The following RAI1 variants were observed in gnomAD, a reference collection of about 807,000 sequenced individuals.
The protein encoded by RAI1 is retinoic acid induced 1.
RAI1 carries 9 observed loss-of-function variants against 123.8 expected under a neutral mutation model. The ratio of observed to expected loss-of-function variants is 0.07; its 90% CI spans 0.04 to 0.13. RAI1 has a LOEUF of 0.13. RAI1 is among the 10% of genes least tolerant of loss of function. The pLI is 1.00. For missense variants in RAI1, 2,256 were observed against 2,545.8 expected, an observed-to-expected ratio of 0.89 and a Z score of 2.45; for synonymous variants, 1,231 against 1,127.3, an observed-to-expected ratio of 1.09 and a Z score of -1.84.
chr17:17,694,480 G>A (rs1914943190), intron 1 of RAI1, among the ~76,000 whole-genome samples: 1 of 152,180 alleles, frequency 6.6e-6, no homozygotes, highest in Non-Finnish European at 1.5e-5. Context: ...GGGCCTCGAG[G>A]AAAGGCATAG....
chr17:17,804,061 C>T (rs1473213513), intron 4 of RAI1: 2 of 671,824 alleles, frequency 3.0e-6, no homozygotes, highest in Admixed American at 2.1e-5. Context: ...CAGGCACCTG[C>T]TTGAGGAGTG....
chr17:17,767,436 T>C (rs553674965), intron 2 of RAI1, among the ~76,000 whole-genome samples: 28 of 151,300 alleles, frequency 1.9e-4, no homozygotes, highest in African/African-American at 6.3e-4. Flanking sequence ...TACTAAAGAA[T>C]GTAAAGAAGA....
Position 17,810,161 on chromosome 17 carries a change from C to G in RAI1, c.*180C>G, listed in dbSNP as rs1343805506. On this transcript the variant is annotated 3_prime_UTR_variant, in exon 6 of 6. Transcript: ENST00000353383. This position sits in a 1 kb window ranked among gnomAD's most constrained non-coding sequence, Gnocchi z 4.6. ...CCGCCTAGGGCTCAGACTTGCGGCCCCGGGTTGGGAGGAAAACCCGTTCCG... is the reference window on the plus strand; with the variant it reads ...CCGCCTAGGGCTCAGACTTGCGGCCGCGGGTTGGGAGGAAAACCCGTTCCG... 1 of 915,026 alleles carries G rather than the reference C, an allele frequency of 1.1e-6. No homozygotes were observed. The highest frequency in any genetic ancestry group is 1.6e-6 in the Non-Finnish European group (1 of 634,592). 56.7% of individuals were successfully genotyped at this position (915,026 alleles called of 1,614,324 possible).
At position 17,797,298 on chromosome 17, in the gene RAI1, A is replaced by G. The variant is rs1199424828; in HGVS notation, c.4350A>G (p.Lys1450=). The change falls in exon 3 of 6, where the codon AAA becomes AAG. Residue 1450 remains lysine, a synonymous_variant. Coordinates refer to ENST00000353383, the MANE Select transcript of RAI1 (RefSeq NM_030665.4). The part of the protein sequence containing the change: ...TALAPKKRSR[K]GRAGAHGLSK... ...TGGCGCCTAAGAAGAGGAGCCGGAA[A>G]GGCCGGGCAGGGGCCCATGGACTCT... The G allele has an allele frequency of 6.2e-7, 1 of 1,612,632 alleles. No individual in the cohort carries two copies. The highest frequency in any genetic ancestry group is 1.7e-5 in the Admixed American group (1 of 60,016).
chr17:17,717,750 GAGGA>G (rs1915756541), intron 1 of RAI1, among the ~76,000 whole-genome samples: 1 of 152,164 alleles, frequency 6.6e-6, no homozygotes, highest in South Asian at 2.1e-4. Context: ...CGCTGGCGCT[GAGGA>G]AGGAAGATGA....
intron 2 of RAI1, among the ~76,000 whole-genome samples, chr17:17,737,088 GA>G (rs1916456291): frequency 6.6e-6 from 1 of 152,236 alleles, no homozygotes; most frequent in Non-Finnish European, 1.5e-5. Context: ...AGCATTTCTG[GA>G]AATGGAACAT....
At chr17:17,688,666 G>A (rs935566851) in intron 1 of RAI1, among the ~76,000 whole-genome samples, 1 of 152,068 alleles carries the variant, frequency 6.6e-6, no homozygotes, top group Admixed American at 6.5e-5. Flanking sequence ...TGCGATCCCG[G>A]CTCACTGCAA....
rs1305723868 is a variant in RAI1, at chr17:17,810,551, G to C, written c.*570G>C. On this transcript the variant is annotated 3_prime_UTR_variant, in exon 6 of 6. Coordinates refer to ENST00000353383, the MANE Select transcript of RAI1 (RefSeq NM_030665.4). This position sits in a 1 kb window ranked among gnomAD's most constrained non-coding sequence, Gnocchi z 4.6. ...GGCTAGGCCGGCACTGGAGAGGCCG[G>C]AGCCTTTGGAACAAACCGTGCGGAA... is the stretch of plus-strand genomic sequence containing the variant. 1 of 305,160 alleles carries C rather than the reference G, an allele frequency of 3.3e-6. No individual in the cohort carries two copies. Among genetic ancestry groups the C allele is most frequent in the Non-Finnish European group, 6.5e-6 (1 of 153,316 alleles). 18.9% of individuals were successfully genotyped at this position (305,160 alleles called of 1,614,324 possible).
At chr17:17,683,955 C>T (rs1914533653) in intron 1 of RAI1, 1 of 152,288 alleles carries the variant, frequency 6.6e-6, no homozygotes, top group Non-Finnish European at 1.5e-5. Context: ...CTCACTTCAG[C>T]CTCAACCTCC....
chr17:17,774,422 C>G (rs1344276076), intron 2 of RAI1, among the ~76,000 whole-genome samples: 1 of 152,262 alleles, frequency 6.6e-6, no homozygotes, highest in Non-Finnish European at 1.5e-5. Context: ...CCTTTCTGAA[C>G]CTTCCTTTCA....
chr17:17,738,110 C>T (rs970849696), intron 2 of RAI1, among the ~76,000 whole-genome samples: 5 of 151,406 alleles, frequency 3.3e-5, no homozygotes, highest in African/African-American at 1.2e-4. Context: ...CATAGTATGG[C>T]CTGAGCACTC....
intron 2 of RAI1, among the ~76,000 whole-genome samples, chr17:17,751,930 T>C (rs115413111): frequency 0.022 from 3,409 of 152,236 alleles, 125 homozygotes; most frequent in African/African-American, 0.077. Flanking sequence ...CCCCAACTCC[T>C]CCCATAGAAG....
At chr17:17,738,389 T>G (rs1916506755) in intron 2 of RAI1, among the ~76,000 whole-genome samples, 1 of 5,522 alleles carries the variant, frequency 1.8e-4, no homozygotes, top group Non-Finnish European at 3.4e-4. Flanking sequence ...GCGGCTGGCC[T>G]GGCGGGGCGG....
intron 1 of RAI1, among the ~76,000 whole-genome samples, chr17:17,706,567 G>T (rs1445666057): frequency 6.6e-6 from 1 of 152,248 alleles, no homozygotes; most frequent in East Asian, 1.9e-4. Flanking sequence ...GCCAGAGGGA[G>T]CCGGGGACTG....
chr17:17,798,661 T>G, intron 3 of RAI1, 148 bp downstream of exon 3: 1 of 1,384,626 alleles, frequency 7.2e-7, no homozygotes, highest in Non-Finnish European at 9.7e-7. Context: ...TGAGCCTCTC[T>G]GGGGTGTGTG....
intron 2 of RAI1, among the ~76,000 whole-genome samples, chr17:17,743,853 A>T (rs774091646): frequency 6.6e-6 from 1 of 152,214 alleles, no homozygotes; most frequent in African/African-American, 2.4e-5. Flanking sequence ...AGGGCCAAGG[A>T]CATCTTTTAG....
intron 2 of RAI1, among the ~76,000 whole-genome samples, chr17:17,789,304 G>T (rs2031933011): frequency 6.6e-6 from 1 of 152,210 alleles, no homozygotes; most frequent in Non-Finnish European, 1.5e-5. Flanking sequence ...TTTCTGTAAA[G>T]GGGGAGGAGA....
chr17:17,804,180 G>A (rs1186783474), intron 4 of RAI1: 3 of 395,576 alleles, frequency 7.6e-6, no homozygotes, highest in East Asian at 1.1e-4. Context: ...AGAGAAAGGG[G>A]TATTGGAGGT....
At position 17,795,784 on chromosome 17, in the gene RAI1, C is replaced by G. The variant is rs1300506314; in HGVS notation, c.2836C>G (p.Leu946Val). The G allele has an allele frequency of 1.2e-6, 2 of 1,613,672 alleles. No individual in the cohort carries two copies. Among genetic ancestry groups the G allele is most frequent in the Admixed American group, 1.7e-5 (1 of 60,030 alleles). ...GGTCCAGAGCTGGTTTGAGTCCTCT[C>G]TGTCACACATGAAGCCAGGTGAAGA... ...SKVQSWFESSLSHMKPGEEGP... is the reference protein window; with the variant it reads ...SKVQSWFESSVSHMKPGEEGP... Residue 946 changes from leucine (L) to valine (V), a missense_variant, in exon 3 of 6, where the codon CTG becomes GTG. Around this residue, in one of 7 missense-constraint regions of RAI1, gnomAD observed 566 missense variants for 616.0 expected, o/e 0.92. Transcript: ENST00000353383. This position sits in a 1 kb window ranked among gnomAD's most constrained non-coding sequence, Gnocchi z 5.9.
Sources: allele counts gnomAD v4.1 joint callset (sites outside exome capture counted in the v4.1 genomes callset), GRCh38; gene constraint gnomAD v4.1.1; regional missense constraint gnomAD v4.1.1; non-coding constraint Gnocchi (gnomAD v3.1); transcripts MANE v1.5; gene names NCBI Gene and HGNC (gene_info 2026-07-23, HGNC 2026-07-21).